TOPBP1: variants seen among roughly 807,000 people sequenced by gnomAD.
TOPBP1 encodes the protein DNA topoisomerase II binding protein 1, also known as DNA topoisomerase 2-binding protein 1.
A neutral mutation model predicts 167.7 loss-of-function variants in TOPBP1; 28 were observed. The ratio of observed to expected loss-of-function variants is 0.17; its 90% CI spans 0.12 to 0.23. The LOEUF (loss-of-function observed/expected upper bound fraction) is 0.23, where lower values mean the gene tolerates loss of function less well. Among genes scored for constraint, TOPBP1 ranks in the 10% least tolerant of loss-of-function variants. The probability of loss-of-function intolerance (pLI) is 1.00; values close to 1 mark genes in which losing one functional copy is unlikely to be tolerated. For missense variants in TOPBP1, 1,554 were observed against 1,809.6 expected (o/e 0.86, Z 2.56); for synonymous variants, 598 against 611.4 (o/e 0.98, Z 0.32).
intron 14 of TOPBP1, among the ~76,000 whole-genome samples, chr3:133,635,246 A>G (rs1935625342): frequency 6.6e-6 from 1 of 152,058 alleles, no homozygotes; most frequent in South Asian, 2.1e-4. Flanking sequence ...CACTATGTCC[A>G]GCCATCCTTG....
At chr3:133,638,284 A>C in intron 13 of TOPBP1, 122 bp from the exon 14 acceptor site, 1 of 950,268 alleles carries the variant, frequency 1.1e-6, no homozygotes, top group Non-Finnish European at 1.5e-6. Context: ...TCCTGGGCTC[A>C]AGAGATCCAT....
At chr3:133,649,100 A>G (rs1289467611) in intron 10 of TOPBP1, among the ~76,000 whole-genome samples, 5 of 152,220 alleles carry the variant, frequency 3.3e-5, no homozygotes, top group Non-Finnish European at 7.3e-5. Context: ...CAAGGTTTTA[A>G]TAAAAGGCTC....
chr3:133,601,779 CCCA>C (rs1393639657), intron 27 of TOPBP1, among the ~76,000 whole-genome samples: 6 of 152,250 alleles, frequency 3.9e-5, no homozygotes, highest in African/African-American at 1.4e-4. Flanking sequence ...GCATTTTCCC[CCCA>C]CAACCATTTC....
intron 14 of TOPBP1, among the ~76,000 whole-genome samples, chr3:133,635,231 T>C (rs1298317267): frequency 6.6e-6 from 1 of 152,150 alleles, no homozygotes. Context: ...ATAACAGGCA[T>C]GAGCCACTAT....
intron 4 of TOPBP1, 22 bp downstream of exon 4, chr3:133,657,774 AAT>A (rs769990657): frequency 6.7e-7 from 1 of 1,482,640 alleles, no homozygotes; most frequent in Non-Finnish European, 9.0e-7. Flanking sequence ...TAAATTGATC[AAT>A]CATCATGAGA....
At chr3:133,602,613 C>A (rs1190741981) in intron 27 of TOPBP1, among the ~76,000 whole-genome samples, 1 of 152,166 alleles carries the variant, frequency 6.6e-6, no homozygotes, top group Non-Finnish European at 1.5e-5. Flanking sequence ...CTGCATAAAG[C>A]AGAGGTCAGC....
intron 10 of TOPBP1, among the ~76,000 whole-genome samples, chr3:133,648,552 C>G (rs1936163447): frequency 6.6e-6 from 1 of 152,180 alleles, no homozygotes; most frequent in Non-Finnish European, 1.5e-5. Flanking sequence ...AATCCCAGCA[C>G]TTTGGGAGGC....
chr3:133,646,037 C>T (rs1412207440), intron 10 of TOPBP1, among the ~76,000 whole-genome samples: 1 of 151,688 alleles, frequency 6.6e-6, no homozygotes, highest in Non-Finnish European at 1.5e-5. Flanking sequence ...ATCCCAGCTA[C>T]TTGGGAGGCT....
Position 133,601,334 on chromosome 3 carries a change from A to T in TOPBP1, c.4485T>A (p.Asn1495Lys), listed in dbSNP as rs1934289148. Reference sequence around the variant, plus strand: ...ATAATCCAGTCCCAAGTTCCTTATTATTCTGAATAAATGAAATAGCTTCTG... The same window carrying T: ...ATAATCCAGTCCCAAGTTCCTTATTTTTCTGAATAAATGAAATAGCTTCTG... Reference protein sequence around the residue: ...CLPEAISFIQNNKELGTGLSQ... With the variant: ...CLPEAISFIQKNKELGTGLSQ... Residue 1495 changes from asparagine to lysine, a missense_variant, in exon 28 of 28, where the codon AAT (asparagine) becomes AAA (lysine). By Grantham distance (94) the Asn-to-Lys change is moderately conservative. This residue lies in a region of TOPBP1 where 351 missense variants were observed against 432.9 expected (regional missense o/e 0.81). Transcript: ENST00000260810. 4 of 1,595,368 alleles carry T rather than the reference A, an allele frequency of 2.5e-6. No individual in the cohort carries two copies. The highest frequency in any genetic ancestry group is 3.4e-6 in the Non-Finnish European group (4 of 1,171,274).
intron 24 of TOPBP1, 23 bp from the exon 25 acceptor site, chr3:133,611,164 C>T (rs1934663089): frequency 6.2e-7 from 1 of 1,602,818 alleles, no homozygotes; most frequent in Admixed American, 1.7e-5. Context: ...TCCAACAAAC[C>T]TGAGTTGTTA....
At chr3:133,653,629 ATT>A (rs758153679) in intron 6 of TOPBP1, 105 bp from the exon 7 acceptor site, 12,133 of 752,778 alleles carry the variant, frequency 0.016, no homozygotes, top group South Asian at 0.028. Flanking sequence ...ACAGGTTAAT[ATT>A]TTTTTTTTTT....
chr3:133,618,557 C>A, intron 20 of TOPBP1, 124 bp from the exon 21 acceptor site: 1 of 712,776 alleles, frequency 1.4e-6, no homozygotes, highest in Non-Finnish European at 2.2e-6. Context: ...ACACAGTATG[C>A]ATTAAAAATA....
chr3:133,636,496 A>G (rs1455643743), intron 14 of TOPBP1, among the ~76,000 whole-genome samples: 1 of 152,178 alleles, frequency 6.6e-6, no homozygotes, highest in Non-Finnish European at 1.5e-5. Context: ...AAAAGAAAGA[A>G]AAAAGAGGAA....
At chr3:133,610,947 G>A in intron 25 of TOPBP1, 57 bp downstream of exon 25, 1 of 1,424,762 alleles carries the variant, frequency 7.0e-7, no homozygotes, top group Non-Finnish European at 9.3e-7. Flanking sequence ...AAAAAAATGT[G>A]AAAGAGTCAC....
In TOPBP1 at chr3:133,601,480, C is replaced by CTCTCAGGGTCTGAGATTTTTTCTTTAAA. The variant is rs527236744; in HGVS notation, c.4426-88_4426-87insTTTAAAGAAAAAATCTCAGACCCTGAGA. On this transcript the variant is annotated intron_variant, in intron 27 of 27. Transcript: ENST00000260810. ...TAGATTTTTTCTTTAAATCTCAGAC[C>CTCTCAGGGTCTGAGATTTTTTCTTTAAA]TCTCAGGGATGAATCTGACAAACTT... 1,655 of 1,075,398 alleles carry CTCTCAGGGTCTGAGATTTTTTCTTTAAA rather than the reference C, an allele frequency of 1.5e-3. 16 individuals carry two copies. In the African/African-American group the frequency reaches 0.024, roughly 16 times the overall value. The allele number at this position is 1,075,398 out of a possible 1,614,324, so 66.6% of individuals were successfully genotyped here.
At chr3:133,645,073 CAA>C (rs768818275) in intron 10 of TOPBP1, among the ~76,000 whole-genome samples, 1 of 152,146 alleles carries the variant, frequency 6.6e-6, no homozygotes, top group African/African-American at 2.4e-5. Flanking sequence ...AGATACAAAC[CAA>C]AGTCTGTCTA....
chr3:133,612,786 C>T (rs529823283), intron 23 of TOPBP1, among the ~76,000 whole-genome samples: 2 of 152,156 alleles, frequency 1.3e-5, no homozygotes, highest in Non-Finnish European at 2.9e-5. Flanking sequence ...AATGAACCCC[C>T]ACACATATAC....
At chr3:133,620,868 C>A (rs1935069217) in intron 19 of TOPBP1, among the ~76,000 whole-genome samples, 1 of 152,150 alleles carries the variant, frequency 6.6e-6, no homozygotes, top group Non-Finnish European at 1.5e-5. Context: ...AGCCACCGTG[C>A]CTGGCCCCCT....
At chr3:133,610,206 G>A (rs1192010853) in intron 25 of TOPBP1, among the ~76,000 whole-genome samples, 3 of 152,132 alleles carry the variant, frequency 2.0e-5, no homozygotes, top group Non-Finnish European at 4.4e-5. Flanking sequence ...GTTTGCTGTG[G>A]CTGAACCAAA....
Sources: gnomAD v4.1 joint callset for allele counts (sites outside exome capture counted in the v4.1 genomes callset) on GRCh38, gnomAD v4.1.1 for gene constraint, gnomAD v4.1.1 regional missense constraint, MANE v1.5 for transcripts, NCBI Gene and HGNC (gene_info 2026-07-23, HGNC 2026-07-21) for gene names.